RBBP8NL: variants seen among roughly 807,000 people sequenced by gnomAD.
The protein encoded by RBBP8NL is RBBP8 N-terminal like.
In RBBP8NL, 59 loss-of-function variants were observed where a neutral mutation model predicts 62.2. The ratio of observed to expected loss-of-function variants is 0.95; its 90% CI spans 0.77 to 1.18. The LOEUF is 1.18. Among genes scored for constraint, RBBP8NL ranks in the 50% most tolerant of loss-of-function variants. RBBP8NL has a pLI of 0.00. For missense variants in RBBP8NL, 896 were observed against 899.5 expected (o/e 1.00, Z 0.05); for synonymous variants, 412 against 394.1 (o/e 1.05, Z -0.54).
In RBBP8NL at chr20:62,410,366, G is replaced by A. The variant is rs556632090; in HGVS notation, c.*512C>T. On this transcript the variant is annotated 3_prime_UTR_variant, in exon 14 of 14. Transcript: ENST00000252998. Reference sequence around the variant, plus strand: ...TGTCAGCCCACGAGGGGGCGTCCAAGATTGTGCTTGGAGCTTGGCGGGCAG... The same window carrying A: ...TGTCAGCCCACGAGGGGGCGTCCAAAATTGTGCTTGGAGCTTGGCGGGCAG... 6.5e-6 allele frequency: 1 copy of A among 154,766 alleles called. No individual in the cohort carries two copies. Among genetic ancestry groups the A allele is most frequent in the Non-Finnish European group, 1.4e-5 (1 of 69,622 alleles). 9.6% of individuals were successfully genotyped at this position (154,766 alleles called of 1,614,324 possible).
intron 13 of RBBP8NL, among the ~76,000 whole-genome samples, chr20:62,411,455 G>A (rs1394626912): frequency 6.6e-6 from 1 of 152,252 alleles, no homozygotes; most frequent in East Asian, 1.9e-4. Context: ...AGTTGAATGG[G>A]TCAGGTTTGA....
chr20:62,425,067 C>T (rs530875580), intron 1 of RBBP8NL, among the ~76,000 whole-genome samples: 1 of 152,184 alleles, frequency 6.6e-6, no homozygotes, highest in Non-Finnish European at 1.5e-5. Flanking sequence ...CCTCTCTGAG[C>T]CTGTTTCCTC....
In RBBP8NL at chr20:62,413,562, A is replaced by T. The variant is rs748399260; in HGVS notation, c.1531-17T>A. ...TGAGGGGTCCTGGGGGGAGGCAAGTAGGTGGCTTGAGTTTATTTGGGAGAC... is the reference window on the plus strand; with the variant it reads ...TGAGGGGTCCTGGGGGGAGGCAAGTTGGTGGCTTGAGTTTATTTGGGAGAC... On this transcript the variant is annotated splice_polypyrimidine_tract_variant and intron_variant, in intron 10 of 13. Coordinates refer to ENST00000252998, the MANE Select transcript of RBBP8NL (RefSeq NM_080833.3). The T allele has an allele frequency of 1.3e-6, 2 of 1,508,612 alleles. No individual in the cohort carries two copies. The highest frequency in any genetic ancestry group is 4.8e-5 in the East Asian group (2 of 41,402). 93.5% of individuals were successfully genotyped at this position (1,508,612 alleles called of 1,614,324 possible).
chr20:62,418,659 A>T (rs1988634476), intron 2 of RBBP8NL, among the ~76,000 whole-genome samples, 194 bp from the exon 3 acceptor site: 1 of 151,752 alleles, frequency 6.6e-6, no homozygotes. Flanking sequence ...TCGGCCTAGC[A>T]TCTGTTGCTT....
At chr20:62,417,434 G>GCTGGATCCTGCTCAGT (rs1988595060) in intron 3 of RBBP8NL, 115 bp from the exon 4 acceptor site, 24 of 769,070 alleles carry the variant, frequency 3.1e-5, no homozygotes, top group African/African-American at 2.6e-4. Context: ...TTGGTCTGGG[G>GCTGGATCCTGCTCAGT]GCAACGCCTA....
chr20:62,413,630 T>C, intron 10 of RBBP8NL, 85 bp from the exon 11 acceptor site: 1 of 1,462,686 alleles, frequency 6.8e-7, no homozygotes, highest in Admixed American at 2.5e-5. Flanking sequence ...GTGGGACCCC[T>C]CTTGAGGCTG....
intron 9 of RBBP8NL, among the ~76,000 whole-genome samples, chr20:62,414,892 C>T (rs189912738): frequency 6.6e-4 from 101 of 152,358 alleles, no homozygotes; most frequent in African/African-American, 2.3e-3. Context: ...CCACCCTCCA[C>T]ACCCTACTTG....
At chr20:62,419,358 C>T (rs1053360076) in intron 2 of RBBP8NL, among the ~76,000 whole-genome samples, 2 of 152,096 alleles carry the variant, frequency 1.3e-5, no homozygotes, top group African/African-American at 2.4e-5. Flanking sequence ...GGGAGTGGCT[C>T]GAGGACATCC....
intron 12 of RBBP8NL, 24 bp from the exon 13 acceptor site, chr20:62,412,777 C>T (rs746936046): frequency 5.0e-6 from 8 of 1,612,966 alleles, no homozygotes; most frequent in African/African-American, 2.7e-5. Context: ...GGTGTGGTCA[C>T]GAGGAGGACT....
In RBBP8NL at chr20:62,416,832, C is replaced by A; in HGVS notation, c.241G>T (p.Glu81Ter). 1 of 1,583,066 alleles carries A rather than the reference C, an allele frequency of 6.3e-7. No individual in the cohort carries two copies. Among genetic ancestry groups the A allele is most frequent in the Non-Finnish European group, 8.6e-7 (1 of 1,164,316 alleles). ...GLCDRCMVTQ[E>*]LARKRQQEFE... The stretch of plus-strand genomic sequence containing the variant: ...TCCTGCTGCCGCTTCCTGGCCAGCT[C>A]CTGGGTGACCATGCAGCGGTCGCAC... Residue 81 changes from glutamate (E) to a stop codon, truncating the protein, a stop_gained, in exon 5 of 14, where the codon GAG (glutamate) becomes TAG (stop). Coordinates refer to ENST00000252998, the MANE Select transcript of RBBP8NL (RefSeq NM_080833.3). LOFTEE classifies it high-confidence loss of function.
intron 2 of RBBP8NL, 124 bp downstream of exon 2, chr20:62,419,462 CG>C: frequency 7.9e-6 from 8 of 1,011,080 alleles, no homozygotes; most frequent in Non-Finnish European, 1.2e-5. Context: ...GCCAAAAAGA[CG>C]GGGTCCATTC....
chr20:62,419,332 C>A (rs1203003178), intron 2 of RBBP8NL, among the ~76,000 whole-genome samples: 4 of 152,166 alleles, frequency 2.6e-5, no homozygotes, highest in Non-Finnish European at 5.9e-5. Flanking sequence ...GCCCCTCCCC[C>A]TCGGGGTCAC....
intron 1 of RBBP8NL, among the ~76,000 whole-genome samples, chr20:62,423,349 A>G (rs1024111867): frequency 2.6e-5 from 4 of 152,146 alleles, no homozygotes; most frequent in Admixed American, 6.5e-5. Flanking sequence ...GCCTGTGTGG[A>G]CTGGGGCGTC....
chr20:62,419,588 C>G lies in RBBP8NL; in HGVS notation c.60G>C (p.Leu20=). 6.2e-7 allele frequency: 1 copy of G among 1,613,594 alleles called. No individual in the cohort carries two copies. Among genetic ancestry groups the G allele is most frequent in the East Asian group, 2.2e-5 (1 of 44,882 alleles). ...RLKEIHEKEV[L]GLQNKLLELN... is the part of the protein sequence containing the mutation. ...TGGCATCTGTCCCTGGCCCCTCACC[C>G]AGGACTTCCTTCTCGTGGATCTCCT... is the stretch of plus-strand genomic sequence containing the variant. The change falls in exon 2 of 14, where the codon CTG becomes CTC. Residue 20 remains leucine, a splice_region_variant and synonymous_variant. Coordinates refer to ENST00000252998, the MANE Select transcript of RBBP8NL (RefSeq NM_080833.3).
In RBBP8NL at chr20:62,415,833, C is replaced by G. The variant is rs140358625; in HGVS notation, c.499G>C (p.Glu167Gln). ...AITEKPPGGHEEAEEDHQGVG... is the reference protein window; with the variant it reads ...AITEKPPGGHQEAEEDHQGVG... Reference sequence around the variant, plus strand: ...CCCTGGTGGTCTTCCTCAGCCTCCTCGTGGCCTCCCGGTGGCTTCTCTGTG... The same window carrying G: ...CCCTGGTGGTCTTCCTCAGCCTCCTGGTGGCCTCCCGGTGGCTTCTCTGTG... The change falls in exon 7 of 14, where the codon GAG becomes CAG. Residue 167 changes from glutamate to glutamine, a missense_variant. Transcript: ENST00000252998. 4.3e-6 allele frequency: 7 copies of G among 1,612,394 alleles called. No individual in the cohort carries two copies. Among genetic ancestry groups the G allele is most frequent in the East Asian group, 2.2e-5 (1 of 44,860 alleles).
At chr20:62,417,505 A>ACC (rs1272227661) in intron 3 of RBBP8NL, among the ~76,000 whole-genome samples, 186 bp from the exon 4 acceptor site, 14 of 100,394 alleles carry the variant, frequency 1.4e-4, no homozygotes, top group South Asian at 4.4e-4. Flanking sequence ...CCGTCCACGC[A>ACC]GCCCCCCCAG....
chr20:62,414,961 T>C (rs1036159473), intron 9 of RBBP8NL, among the ~76,000 whole-genome samples, 160 bp downstream of exon 9: 1 of 152,098 alleles, frequency 6.6e-6, no homozygotes, highest in Non-Finnish European at 1.5e-5. Context: ...ACTCTGGAGG[T>C]GTCCACGTGG....
rs752386390 is a variant in RBBP8NL, at chr20:62,419,597, C to T, written c.51G>A (p.Lys17=). The T allele has an allele frequency of 1.9e-6, 3 of 1,613,598 alleles. No individual in the cohort carries two copies. Among genetic ancestry groups the T allele is most frequent in the East Asian group, 2.2e-5 (1 of 44,884 alleles). ...TCCCTGGCCCCTCACCCAGGACTTC[C>T]TTCTCGTGGATCTCCTTCAGCCTGT... ...SLNRLKEIHE[K]EVLGLQNKLL... Residue 17 remains lysine (K), a synonymous_variant, in exon 2 of 14, where the codon AAG becomes AAA. Transcript: ENST00000252998.
chr20:62,423,033 G>A (rs1988740791), intron 1 of RBBP8NL, among the ~76,000 whole-genome samples: 1 of 152,102 alleles, frequency 6.6e-6, no homozygotes, highest in Non-Finnish European at 1.5e-5. Flanking sequence ...CCTGGTGGGA[G>A]GCTGGGAGGG....
Sources: allele counts gnomAD v4.1 joint callset (sites outside exome capture counted in the v4.1 genomes callset), GRCh38; gene constraint gnomAD v4.1.1; transcripts MANE v1.5; gene names NCBI Gene and HGNC (gene_info 2026-07-23, HGNC 2026-07-21).